Variants in CENPW observed in about 807,000 individuals in gnomAD.
The protein encoded by CENPW is cancer-up-regulated gene 2 protein.
In CENPW, 3 loss-of-function variants were observed where a neutral mutation model predicts 11.1. That is an observed-to-expected ratio of 0.27 (90% CI 0.12 to 0.70). CENPW has a LOEUF of 0.70. Ranked by LOEUF, CENPW falls within the 30% of genes least tolerant of loss-of-function variation. The probability of loss-of-function intolerance (pLI) is 0.77; values close to 1 mark genes in which losing one functional copy is unlikely to be tolerated. For synonymous variants in CENPW, 38 were observed against 42.0 expected, an observed-to-expected ratio of 0.91 and a Z score of 0.37; for missense variants, 100 against 105.6, an observed-to-expected ratio of 0.95 and a Z score of 0.23.
chr6:126,345,598 A>G (rs1780392854), intron 1 of CENPW, among the ~76,000 whole-genome samples: 1 of 151,984 alleles, frequency 6.6e-6, no homozygotes, highest in Admixed American at 6.6e-5. Context: ...TATATTACCT[A>G]TTTTAAATAA....
At chr6:126,372,206 CT>C in the CENPW span, among the ~76,000 whole-genome samples, 1 of 152,036 alleles carries the variant, frequency 6.6e-6, no homozygotes, top group Admixed American at 6.6e-5. Flanking sequence ...TATTCTGATA[CT>C]GTTTCTTTCT....
At chr6:126,471,714 C>A in the CENPW span, among the ~76,000 whole-genome samples, 1 of 152,004 alleles carries the variant, frequency 6.6e-6, no homozygotes, top group Non-Finnish European at 1.5e-5. Flanking sequence ...AAAGGTACAT[C>A]CCATGTGATT....
At chr6:126,456,990 G>A in the CENPW span, among the ~76,000 whole-genome samples, 4 of 151,468 alleles carry the variant, frequency 2.6e-5, no homozygotes, top group South Asian at 2.1e-4. Flanking sequence ...AACCACAAAC[G>A]TGATACCATC....
At chr6:126,412,698 C>T in the CENPW span, among the ~76,000 whole-genome samples, 2 of 152,140 alleles carry the variant, frequency 1.3e-5, no homozygotes, top group Admixed American at 6.6e-5. Flanking sequence ...TATGCACTGC[C>T]TACATTATGT....
At chr6:126,346,511 ATTAATGGCCACTGCTT>A (rs1347756610) in intron 2 of CENPW, among the ~76,000 whole-genome samples, 193 bp downstream of exon 2, 3 of 152,222 alleles carry the variant, frequency 2.0e-5, no homozygotes. Flanking sequence ...CAATGGTAAT[ATTAATGGCCACTGCTT>A]TAGAGGAAAC....
At chr6:126,480,845 A>T in the CENPW span, among the ~76,000 whole-genome samples, 6 of 152,084 alleles carry the variant, frequency 3.9e-5, no homozygotes, top group African/African-American at 1.4e-4. Flanking sequence ...CTAAAGCTAG[A>T]TAAATGCCTT....
At chr6:126,376,474 C>G in the CENPW span, among the ~76,000 whole-genome samples, 1 of 152,078 alleles carries the variant, frequency 6.6e-6, no homozygotes, top group Non-Finnish European at 1.5e-5. Context: ...ACATTAGTAA[C>G]AGTAGGCCTC....
At chr6:126,354,902 G>A in the CENPW span, among the ~76,000 whole-genome samples, 1 of 152,054 alleles carries the variant, frequency 6.6e-6, no homozygotes. Context: ...AATCCTGAAG[G>A]TCCTGCATCT....
At chr6:126,438,944 A>G in the CENPW span, among the ~76,000 whole-genome samples, 6 of 151,844 alleles carry the variant, frequency 4.0e-5, no homozygotes, top group East Asian at 9.7e-4. Flanking sequence ...CATACTTTGA[A>G]GAAGGTAGCT....
In CENPW at chr6:126,348,563, T is replaced by C; in HGVS notation, c.*71T>C. The C allele has an allele frequency of 1.1e-6, 1 of 895,590 alleles. No homozygotes were observed. Among genetic ancestry groups the C allele is most frequent in the Non-Finnish European group, 1.8e-6 (1 of 544,544 alleles). The allele number at this position is 895,590 out of a possible 1,614,324, so 55.5% of individuals were successfully genotyped here. A position where few individuals can be genotyped will look rare whatever the true frequency, so the allele number is the denominator to read the frequency against. On this transcript the variant is annotated 3_prime_UTR_variant, in exon 3 of 3. Coordinates refer to ENST00000368328, the MANE Select transcript of CENPW (RefSeq NM_001012507.4). The stretch of plus-strand genomic sequence containing the variant: ...TGGTAACAGATCATAAAGACATTTT[T>C]TACACATCAGTTAATATGGGATTAT...
At chr6:126,430,647 C>G in the CENPW span, among the ~76,000 whole-genome samples, 1 of 152,044 alleles carries the variant, frequency 6.6e-6, no homozygotes, top group African/African-American at 2.4e-5. Context: ...CGGTTGTTAT[C>G]TATAAAGATT....
At chr6:126,461,187 G>A in the CENPW span, among the ~76,000 whole-genome samples, 21 of 151,848 alleles carry the variant, frequency 1.4e-4, no homozygotes, top group East Asian at 3.3e-3. Flanking sequence ...CATGGGGCGG[G>A]TCTTTCCCGT....
chr6:126,469,773 A>T, the CENPW span, among the ~76,000 whole-genome samples: 1 of 152,284 alleles, frequency 6.6e-6, no homozygotes, highest in East Asian at 1.9e-4. Context: ...CGCTTTAGCA[A>T]AGAGAATGGC....
chr6:126,422,682 C>T, the CENPW span, among the ~76,000 whole-genome samples: 1 of 152,082 alleles, frequency 6.6e-6, no homozygotes, highest in Non-Finnish European at 1.5e-5. Flanking sequence ...CTTCATCCCT[C>T]ATGCCAAAAA....
chr6:126,345,289 A>G (rs1447768374), intron 1 of CENPW, among the ~76,000 whole-genome samples: 3 of 152,016 alleles, frequency 2.0e-5, no homozygotes, highest in Non-Finnish European at 4.4e-5. Flanking sequence ...TGATATATAT[A>G]TTATCTGAAG....
chr6:126,447,436 T>C, the CENPW span, among the ~76,000 whole-genome samples: 3 of 151,160 alleles, frequency 2.0e-5, no homozygotes, highest in Non-Finnish European at 3.0e-5. Flanking sequence ...GACAGGTAGC[T>C]TGATGTTTGA....
chr6:126,456,169 C>T, the CENPW span, among the ~76,000 whole-genome samples: 1 of 151,340 alleles, frequency 6.6e-6, no homozygotes, highest in African/African-American at 2.4e-5. Context: ...TCCTATCAAA[C>T]TATGAATGGG....
At chr6:126,437,331 A>T in the CENPW span, among the ~76,000 whole-genome samples, 1 of 151,958 alleles carries the variant, frequency 6.6e-6, no homozygotes, top group African/African-American at 2.4e-5. Flanking sequence ...CTTACATAAA[A>T]CAATCAGATA....
the CENPW span, among the ~76,000 whole-genome samples, chr6:126,394,862 A>G: frequency 6.6e-6 from 1 of 151,020 alleles, no homozygotes. Context: ...TTAATTCAAT[A>G]CTTTAAATAT....
Sources: gnomAD v4.1 joint callset for allele counts (sites outside exome capture counted in the v4.1 genomes callset) on GRCh38, gnomAD v4.1.1 for gene constraint, MANE v1.5 for transcripts, NCBI Gene and HGNC (gene_info 2026-07-23, HGNC 2026-07-21) for gene names.